IQSEC3: variants seen among roughly 807,000 people sequenced by gnomAD.
IQSEC3 encodes IQ motif and SEC7 domain-containing protein 3.
IQSEC3 carries 50 observed loss-of-function variants against 105.4 expected under a neutral mutation model. The observed-to-expected ratio is 0.47, with a 90% confidence interval of 0.38 to 0.60. IQSEC3 has a LOEUF of 0.60. IQSEC3 is among the 20% of genes least tolerant of loss of function. The pLI is 0.00. For synonymous variants in IQSEC3, 708 were observed against 746.0 expected, an observed-to-expected ratio of 0.95 and a Z score of 0.83; for missense variants, 1,415 against 1,630.0, an observed-to-expected ratio of 0.87 and a Z score of 2.27.
chr12:85,711 C>A (rs80280501), intron 1 of IQSEC3, among the ~76,000 whole-genome samples: 2,660 of 152,254 alleles, frequency 0.017, 86 homozygotes, highest in African/African-American at 0.06. Context: ...TAAGCTCCCC[C>A]AAGACTGCCA....
intron 1 of IQSEC3, among the ~76,000 whole-genome samples, chr12:72,032 A>C (rs1184728957): frequency 1.3e-4 from 20 of 152,270 alleles, no homozygotes; most frequent in African/African-American, 4.8e-4. Flanking sequence ...AATGCATTTA[A>C]GAGAACCAAG....
chr12:123,929 T>C (rs912959850), intron 2 of IQSEC3, among the ~76,000 whole-genome samples: 4 of 152,176 alleles, frequency 2.6e-5, no homozygotes, highest in Non-Finnish European at 5.9e-5. Context: ...TTTCTGTCAC[T>C]GTCCACTGTA....
At chr12:132,160 G>A (rs540916873) in intron 3 of IQSEC3, among the ~76,000 whole-genome samples, 22 of 152,098 alleles carry the variant, frequency 1.4e-4, no homozygotes, top group Non-Finnish European at 2.4e-4. Context: ...GATAGGTCTC[G>A]AAGAAGAGGA....
intron 3 of IQSEC3, among the ~76,000 whole-genome samples, chr12:131,044 C>A: frequency 1.4e-5 from 1 of 71,690 alleles, no homozygotes; most frequent in Non-Finnish European, 3.1e-5. Context: ...GGCCCCCGCT[C>A]CTCAGCACTG....
Position 175,246 on chromosome 12 carries a change from A to G in IQSEC3, c.*213A>G, listed in dbSNP as rs199832424. ...ACCCCCTCTGCAGATCTGAAGACAC[A>G]CCTCACTCTCCCAGGGCCCTACACA... On this transcript the variant is annotated 3_prime_UTR_variant, in exon 14 of 14. Coordinates refer to ENST00000538872, the MANE Select transcript of IQSEC3 (RefSeq NM_001170738.2). The G allele has an allele frequency of 1.9e-6, 1 of 524,214 alleles. No homozygotes were observed. The highest frequency in any genetic ancestry group is 3.0e-5 in the East Asian group (1 of 33,028). The allele number at this position is 524,214 out of a possible 1,614,324, so 32.5% of individuals were successfully genotyped here.
intron 5 of IQSEC3, among the ~76,000 whole-genome samples, chr12:151,618 C>G (rs1866514738): frequency 6.6e-6 from 1 of 152,182 alleles, no homozygotes; most frequent in Non-Finnish European, 1.5e-5. Flanking sequence ...GACCCTGTCG[C>G]TCCTCTGATC....
At position 177,016 on chromosome 12, in the gene IQSEC3, C is replaced by T. The variant is rs542341272; in HGVS notation, c.*1983C>T. ...GCTGAAAATAGAATGAAAACGATGA[C>T]TAAGAGGCAGGGAGTGCGAGGTATG... On this transcript the variant is annotated 3_prime_UTR_variant, in exon 14 of 14. Transcript: ENST00000538872. This position sits in a 1 kb window ranked among gnomAD's most constrained non-coding sequence, Gnocchi z 5.3. 6.6e-6 allele frequency: 1 copy of T among 152,356 alleles called. No homozygotes were observed. Among genetic ancestry groups the T allele is most frequent in the South Asian group, 2.1e-4 (1 of 4,818 alleles). 9.4% of individuals were successfully genotyped at this position (152,356 alleles called of 1,614,324 possible).
intron 13 of IQSEC3, 88 bp downstream of exon 13, chr12:171,249 A>G (rs1555100180): frequency 1.9e-6 from 3 of 1,613,970 alleles, no homozygotes; most frequent in Non-Finnish European, 2.5e-6. Flanking sequence ...CTTCTCAGGT[A>G]TTAATCAATG....
At position 138,579 on chromosome 12, in the gene IQSEC3, G is replaced by A; in HGVS notation, c.1216G>A (p.Val406Met). The A allele has an allele frequency of 5.0e-6, 8 of 1,588,634 alleles. No homozygotes were observed. The highest frequency in any genetic ancestry group is 6.8e-6 in the Non-Finnish European group (8 of 1,174,818). ...GCTGGAGGACTCCTTCACCGAGCAG[G>A]TGCAATCCCTGGCCAAGTCCATCGA... ...TELEDSFTEQVQSLAKSIDDA... is the reference protein window; with the variant it reads ...TELEDSFTEQMQSLAKSIDDA... The change falls in exon 4 of 14, where the codon GTG becomes ATG. Residue 406 changes from valine (V) to methionine (M), a missense_variant. By Grantham distance (21) the Val-to-Met change is conservative (BLOSUM62 1). Transcript: ENST00000538872. The surrounding 1 kb of genome is among the most constrained non-coding windows in gnomAD (Gnocchi z 7.1).
At chr12:104,941 G>T (rs548692816) in intron 2 of IQSEC3, among the ~76,000 whole-genome samples, 1 of 152,378 alleles carries the variant, frequency 6.6e-6, no homozygotes, top group East Asian at 1.9e-4. Context: ...CAAACAGCTG[G>T]GCTGGGGCGC....
rs369636348 is a variant in IQSEC3 at position 165,544 on chromosome 12, G to A, written c.2809+11G>A. ...TCTTTGAGAACGAGTGTAAGTCTTTGACAGCCAGTGTAAGTCTTTGAGAAG... is the reference window on the plus strand; with the variant it reads ...TCTTTGAGAACGAGTGTAAGTCTTTAACAGCCAGTGTAAGTCTTTGAGAAG... On this transcript the variant is annotated intron_variant, in intron 10 of 13. Transcript: ENST00000538872. 6.2e-6 allele frequency: 10 copies of A among 1,610,496 alleles called. No homozygotes were observed. The highest frequency in any genetic ancestry group is 8.5e-6 in the Non-Finnish European group (10 of 1,176,726).
chr12:146,729 G>C (rs1555091177), intron 5 of IQSEC3, among the ~76,000 whole-genome samples: 1 of 152,072 alleles, frequency 6.6e-6, no homozygotes, highest in East Asian at 1.9e-4. Flanking sequence ...GGAGGAGGAA[G>C]AAAGAGAGAG....
chr12:162,145 C>T, intron 8 of IQSEC3, 80 bp downstream of exon 8: 2 of 1,486,450 alleles, frequency 1.3e-6, no homozygotes, highest in Admixed American at 1.9e-5. Context: ...TCCTTCTTAC[C>T]TTTCCAAAAC....
rs542022108 is a variant in IQSEC3 at position 84,543 on chromosome 12, G to T, written c.555-14603G>T. On this transcript the variant is annotated intron_variant, in intron 1 of 13. Coordinates refer to ENST00000538872, the MANE Select transcript of IQSEC3 (RefSeq NM_001170738.2). Reference sequence around the variant, plus strand: ...GATGGTGTGTGCATAGGTTTGGGGCGTTTAGGACCTATGTGCATTGTTGTA... The same window carrying T: ...GATGGTGTGTGCATAGGTTTGGGGCTTTTAGGACCTATGTGCATTGTTGTA... 1.3e-3 allele frequency among the ~76,000 whole-genome samples: 192 copies of T among 152,336 alleles called. 1 individual carries two copies. Among genetic ancestry groups the T allele is most frequent in the African/African-American group, 4.2e-3 (176 of 41,586 alleles).
chr12:157,264 C>T (rs973962690), intron 6 of IQSEC3, 117 bp downstream of exon 6: 10 of 1,369,390 alleles, frequency 7.3e-6, no homozygotes, highest in Non-Finnish European at 9.7e-6. Flanking sequence ...GCCAGAAACA[C>T]CCCTTCTGGT....
chr12:113,347 G>A (rs1555079997), intron 2 of IQSEC3, among the ~76,000 whole-genome samples: 2 of 152,228 alleles, frequency 1.3e-5, no homozygotes. Context: ...TTACAGCTGA[G>A]GAAATACTCG....
At chr12:76,934 C>G (rs1318180762) in intron 1 of IQSEC3, among the ~76,000 whole-genome samples, 9 of 152,256 alleles carry the variant, frequency 5.9e-5, no homozygotes, top group African/African-American at 2.2e-4. Context: ...GGAATGCACG[C>G]CCCATCCCAG....
intron 2 of IQSEC3, among the ~76,000 whole-genome samples, chr12:121,757 G>A (rs1226169815): frequency 6.6e-6 from 1 of 152,208 alleles, no homozygotes; most frequent in African/African-American, 2.4e-5. Flanking sequence ...GACTCCTTTG[G>A]GACTCCATGC....
At chr12:134,712 T>A (rs1177171311) in intron 3 of IQSEC3, among the ~76,000 whole-genome samples, 1 of 148,828 alleles carries the variant, frequency 6.7e-6, no homozygotes, top group East Asian at 2.0e-4. Context: ...CTGGCCAACA[T>A]AGCAAAACTC....
Sources: gnomAD v4.1 joint callset for allele counts (sites outside exome capture counted in the v4.1 genomes callset) on GRCh38, gnomAD v4.1.1 for gene constraint, Gnocchi (gnomAD v3.1) non-coding constraint, MANE v1.5 for transcripts, NCBI Gene and HGNC (gene_info 2026-07-23, HGNC 2026-07-21) for gene names.